ACTN1: variants seen among roughly 807,000 people sequenced by gnomAD.
The protein encoded by ACTN1 is alpha-actinin-1.
A neutral mutation model predicts 119.6 loss-of-function variants in ACTN1; 30 were observed. The observed-to-expected ratio is 0.25, with a 90% CI of 0.19 to 0.34. The LOEUF (loss-of-function observed/expected upper bound fraction) is 0.34. Ranked by LOEUF, ACTN1 falls within the 10% of genes least tolerant of loss-of-function variation. The pLI is 1.00. For synonymous variants in ACTN1, 429 were observed against 472.6 expected (o/e 0.91, Z 1.20); for missense variants, 764 against 1,223.4 (o/e 0.62, Z 5.60).
intron 1 of ACTN1, among the ~76,000 whole-genome samples, chr14:68,954,455 G>A (rs1359371857): frequency 6.6e-6 from 1 of 152,080 alleles, no homozygotes; most frequent in Non-Finnish European, 1.5e-5. Context: ...AGCCTCCCGA[G>A]TAGCTGGGAT....
intron 8 of ACTN1, among the ~76,000 whole-genome samples, chr14:68,894,044 C>T (rs959660234): frequency 6.6e-6 from 1 of 152,272 alleles, no homozygotes; most frequent in Admixed American, 6.5e-5. Flanking sequence ...AATCCAATGA[C>T]TGATATAATC....
Position 68,884,812 on chromosome 14 carries a change from A to G in ACTN1, c.1457T>C (p.Leu486Pro). Residue 486 changes from leucine (L) to proline (P), a missense_variant, in exon 13 of 22, where the codon CTG (leucine) becomes CCG (proline). Leu to Pro is a moderately conservative substitution (Grantham distance 98). Transcript: ENST00000394419. ...CQKICDQWDN[L>P]GALTQKRREA... is the part of the protein sequence containing the mutation. Reference sequence around the variant, plus strand: ...CCTTCGCTTCTGAGTTAGGGCCCCCAGATTGTCCCACTGGTCACAGATCTT... The same window carrying G: ...CCTTCGCTTCTGAGTTAGGGCCCCCGGATTGTCCCACTGGTCACAGATCTT... The G allele has an allele frequency of 6.2e-7, 1 of 1,614,180 alleles. No homozygotes were observed.
intron 1 of ACTN1, 117 bp downstream of exon 1, chr14:68,978,835 C>T (rs1726927712): frequency 1.6e-6 from 1 of 615,330 alleles, no homozygotes; most frequent in Admixed American, 4.3e-5. Flanking sequence ...GCCCCCGCCC[C>T]CTCCCGTGCG....
At chr14:68,933,921 G>A (rs945121707) in intron 1 of ACTN1, among the ~76,000 whole-genome samples, 1 of 151,244 alleles carries the variant, frequency 6.6e-6, no homozygotes, top group African/African-American at 2.4e-5. Context: ...TGGCTACAGA[G>A]AGCCATGATT....
Position 68,878,606 on chromosome 14 carries a change from G to GAAC in ACTN1, c.2362-86_2362-84dup, listed in dbSNP as rs1259067539. 6.3e-7 allele frequency: 1 copy of GAAC among 1,593,756 alleles called. No individual in the cohort carries two copies. Among genetic ancestry groups the GAAC allele is most frequent in the Non-Finnish European group, 8.5e-7 (1 of 1,170,182 alleles). ...GGCCGGCCCGGGGCCAGGAAGACAG[G>GAAC]AACAGATGGCCAGAACGGGGATGAG... On this transcript the variant is annotated intron_variant, in intron 19 of 21. Transcript: ENST00000394419. This position sits in a 1 kb window ranked among gnomAD's most constrained non-coding sequence, Gnocchi z 4.4.
At position 68,877,138 on chromosome 14, in the gene ACTN1, C is replaced by G. The variant is rs768821359; in HGVS notation, c.2530G>C (p.Asp844His). Residue 844 changes from aspartate (D) to histidine (H), a missense_variant, in exon 21 of 22, where the codon GAC becomes CAC. By Grantham distance (81) the Asp-to-His change is moderately conservative. Coordinates refer to ENST00000394419, the MANE Select transcript of ACTN1 (RefSeq NM_001130004.2). The stretch of plus-strand genomic sequence containing the variant: ...ATGACTTGGTCTGCTGTATCTGTGT[C>G]GGCTGTCTCGCGGGACATGAAGTCA... ...FIDFMSRETA[D>H]TDTADQVMAS... 1 of 1,614,158 alleles carries G rather than the reference C, an allele frequency of 6.2e-7. No homozygotes were observed. The highest frequency in any genetic ancestry group is 8.5e-7 in the Non-Finnish European group (1 of 1,180,022).
intron 21 of ACTN1, among the ~76,000 whole-genome samples, chr14:68,875,481 A>C (rs1226841380): frequency 6.6e-6 from 1 of 152,266 alleles, no homozygotes; most frequent in Non-Finnish European, 1.5e-5. Flanking sequence ...ATGTTTGGGC[A>C]TCACTGCTTC....
intron 8 of ACTN1, among the ~76,000 whole-genome samples, chr14:68,895,738 G>T (rs910944640): frequency 5.3e-5 from 8 of 152,142 alleles, no homozygotes; most frequent in African/African-American, 1.9e-4. Flanking sequence ...CCATCGGCTC[G>T]ATGGTCATAA....
rs1366988012 is a variant in ACTN1, at chr14:68,910,054, G to A, written c.428-12C>T. On this transcript the variant is annotated splice_polypyrimidine_tract_variant and intron_variant, in intron 4 of 21. Coordinates refer to ENST00000394419, the MANE Select transcript of ACTN1 (RefSeq NM_001130004.2). Reference sequence around the variant, plus strand: ...CTTGGCTGAAGTCTCTATGGGGAAGGGGATGGGCAGCGAGGTCAGAGGGCT... The same window carrying A: ...CTTGGCTGAAGTCTCTATGGGGAAGAGGATGGGCAGCGAGGTCAGAGGGCT... 3.1e-6 allele frequency: 5 copies of A among 1,611,420 alleles called. No individual in the cohort carries two copies. The highest frequency in any genetic ancestry group is 3.4e-6 in the Non-Finnish European group (4 of 1,178,206).
At chr14:68,954,520 G>T (rs1203162751) in intron 1 of ACTN1, among the ~76,000 whole-genome samples, 1 of 152,052 alleles carries the variant, frequency 6.6e-6, no homozygotes, top group East Asian at 1.9e-4. Context: ...TATAGACGGG[G>T]TTTCACCATG....
intron 1 of ACTN1, among the ~76,000 whole-genome samples, chr14:68,944,054 GGA>G (rs1484847394): frequency 6.6e-6 from 1 of 152,178 alleles, no homozygotes; most frequent in Non-Finnish European, 1.5e-5. Context: ...AGTGGACTGG[GGA>G]GGAGAGCCAC....
chr14:68,913,877 C>A (rs2034141987), intron 3 of ACTN1, among the ~76,000 whole-genome samples: 1 of 152,184 alleles, frequency 6.6e-6, no homozygotes, highest in South Asian at 2.1e-4. Flanking sequence ...AGCAACACAG[C>A]CAGCCAGCAT....
chr14:68,972,344 C>T (rs746039360), intron 1 of ACTN1, among the ~76,000 whole-genome samples: 8 of 152,154 alleles, frequency 5.3e-5, no homozygotes, highest in Non-Finnish European at 1.0e-4. Context: ...GTGGGCATGA[C>T]AGAGAAGGGG....
chr14:68,882,750 G>A lies in ACTN1; in HGVS notation c.1818+123C>T, dbSNP rs893167842. 6.6e-7 allele frequency: 1 copy of A among 1,504,306 alleles called. No homozygotes were observed. Among genetic ancestry groups the A allele is most frequent in the Non-Finnish European group, 9.0e-7 (1 of 1,106,044 alleles). 93.2% of individuals were successfully genotyped at this position (1,504,306 alleles called of 1,614,324 possible). ...TGGAAACCCAGTCATTTGACATTTG[G>A]ACAAACAATGAGTGTTTACTATATG... On this transcript the variant is annotated intron_variant, in intron 15 of 21. Coordinates refer to ENST00000394419, the MANE Select transcript of ACTN1 (RefSeq NM_001130004.2). This position sits in a 1 kb window ranked among gnomAD's most constrained non-coding sequence, Gnocchi z 4.5.
At chr14:68,898,898 C>T (rs958501902) in intron 8 of ACTN1, among the ~76,000 whole-genome samples, 6 of 151,692 alleles carry the variant, frequency 4.0e-5, no homozygotes, top group Non-Finnish European at 8.8e-5. Context: ...ACATCCCACA[C>T]ACTCCACACA....
At chr14:68,884,736 G>A (rs1157875476) in intron 13 of ACTN1, 39 bp downstream of exon 13, 2 of 1,538,094 alleles carry the variant, frequency 1.3e-6, no homozygotes, top group Non-Finnish European at 1.8e-6. Context: ...CCACAGGGCT[G>A]CCGGATATGG....
At chr14:68,961,028 C>A (rs552420050) in intron 1 of ACTN1, among the ~76,000 whole-genome samples, 1 of 152,284 alleles carries the variant, frequency 6.6e-6, no homozygotes, top group South Asian at 2.1e-4. Flanking sequence ...TATGACAGCA[C>A]CACTGCACGC....
chr14:68,967,078 T>C (rs1016776722), intron 1 of ACTN1, among the ~76,000 whole-genome samples: 8 of 152,196 alleles, frequency 5.3e-5, no homozygotes, highest in Non-Finnish European at 1.2e-4. Context: ...CTGAGCAGCA[T>C]GGCAGGGGCT....
At chr14:68,892,562 T>C (rs904442570) in intron 9 of ACTN1, among the ~76,000 whole-genome samples, 3 of 152,268 alleles carry the variant, frequency 2.0e-5, no homozygotes, top group African/African-American at 7.2e-5. Flanking sequence ...CCCATAGACC[T>C]GGTGTGAAGT....
Sources: gnomAD v4.1 joint callset for allele counts (sites outside exome capture counted in the v4.1 genomes callset) on GRCh38, gnomAD v4.1.1 for gene constraint, Gnocchi (gnomAD v3.1) non-coding constraint, MANE v1.5 for transcripts, NCBI Gene and HGNC (gene_info 2026-07-23, HGNC 2026-07-21) for gene names.